Variants in DDX46 observed in about 807,000 individuals in gnomAD.
DDX46 encodes probable ATP-dependent RNA helicase DDX46.
A neutral mutation model predicts 134.9 loss-of-function variants in DDX46; 30 were observed. That is an observed-to-expected ratio of 0.22 (90% CI 0.17 to 0.30). The LOEUF (loss-of-function observed/expected upper bound fraction) is 0.30. DDX46 is among the 10% of genes least tolerant of loss of function. The pLI is 1.00. For synonymous variants in DDX46, 415 were observed against 404.1 expected, an observed-to-expected ratio of 1.03 and a Z score of -0.32; for missense variants, 622 against 1,248.7, an observed-to-expected ratio of 0.50 and a Z score of 7.56.
At chr5:134,777,003 G>T (rs915087439) in intron 5 of DDX46, among the ~76,000 whole-genome samples, 1 of 151,826 alleles carries the variant, frequency 6.6e-6, no homozygotes, top group African/African-American at 2.4e-5. Context: ...ACGAGGTTAG[G>T]AGTTAGAGAC....
At position 134,816,520 on chromosome 5, in the gene DDX46, G is replaced by C. The variant is rs769468728; in HGVS notation, c.2527G>C (p.Ala843Pro). The change falls in exon 19 of 23, where the codon GCA becomes CCA. Residue 843 changes from alanine to proline, a missense_variant. By Grantham distance (27) the Ala-to-Pro change is conservative (BLOSUM62 -1). This residue lies in a region of DDX46 where 18 missense variants were observed against 17.0 expected (regional missense o/e 1.06). Coordinates refer to ENST00000452510, the MANE Select transcript of DDX46 (RefSeq NM_001300860.2). The part of the protein sequence containing the change: ...PGTSSVPAPT[A>P]GNAEKLEIAK... Reference sequence around the variant, plus strand: ...AACATCAAGTGTTCCTGCTCCAACTGCAGGAAATGCTGAGAAATTAGAAAT... The same window carrying C: ...AACATCAAGTGTTCCTGCTCCAACTCCAGGAAATGCTGAGAAATTAGAAAT... 8 of 1,613,918 alleles carry C rather than the reference G, an allele frequency of 5.0e-6. No homozygotes were observed. Among genetic ancestry groups the C allele is most frequent in the Non-Finnish European group, 6.8e-6 (8 of 1,180,014 alleles).
chr5:134,820,864 CTT>C (rs1180909732), intron 21 of DDX46, among the ~76,000 whole-genome samples: 11 of 123,206 alleles, frequency 8.9e-5, no homozygotes, highest in Admixed American at 1.7e-4. Context: ...CTTTTCTTTT[CTT>C]TTTTTTTTTT....
intron 11 of DDX46, among the ~76,000 whole-genome samples, chr5:134,788,205 A>T (rs907578026): frequency 1.3e-5 from 2 of 151,474 alleles, no homozygotes; most frequent in African/African-American, 4.9e-5. Context: ...GCTCACTCCA[A>T]CCTTGAACTC....
intron 3 of DDX46, among the ~76,000 whole-genome samples, chr5:134,770,567 A>G (rs2150133144): frequency 6.6e-6 from 1 of 152,208 alleles, no homozygotes; most frequent in East Asian, 1.9e-4. Context: ...ATCCCAGCAC[A>G]TTGAGAGGCT....
In DDX46 at chr5:134,824,396, G is replaced by T. The variant is rs1231744336; in HGVS notation, c.2978-2551G>T. On this transcript the variant is annotated intron_variant, in intron 21 of 22. Coordinates refer to ENST00000452510, the MANE Select transcript of DDX46 (RefSeq NM_001300860.2). ...TCACAAGGTCAAGAGTTTGAGACCA[G>T]CCTGGCCAACATAGTGAAACCCCGT... 3.3e-5 allele frequency among the ~76,000 whole-genome samples: 5 copies of T among 152,266 alleles called. No individual in the cohort carries two copies. The South Asian group carries it at 8.3e-4, about 25-fold the overall frequency.
At chr5:134,774,522 A>T (rs1753873641) in intron 5 of DDX46, among the ~76,000 whole-genome samples, 2 of 152,148 alleles carry the variant, frequency 1.3e-5, no homozygotes, top group African/African-American at 4.8e-5. Context: ...TTTATGTTGT[A>T]ATTTGAAATA....
chr5:134,808,613 A>T (rs969362095), intron 16 of DDX46, among the ~76,000 whole-genome samples: 1 of 152,148 alleles, frequency 6.6e-6, no homozygotes, highest in African/African-American at 2.4e-5. Context: ...TTAAAAAAAA[A>T]CATGGGATCA....
At chr5:134,823,866 T>A (rs1755522131) in intron 21 of DDX46, among the ~76,000 whole-genome samples, 1 of 152,224 alleles carries the variant, frequency 6.6e-6, no homozygotes, top group Non-Finnish European at 1.5e-5. Context: ...ACCTTTGGTG[T>A]ACATGGAGTC....
At chr5:134,806,500 A>G (rs144443455) in intron 15 of DDX46, among the ~76,000 whole-genome samples, 35 of 152,344 alleles carry the variant, frequency 2.3e-4, no homozygotes, top group African/African-American at 8.4e-4. Context: ...AGGCTAAAGT[A>G]AAAGTTTTGG....
At chr5:134,808,886 C>T (rs545701655) in intron 16 of DDX46, among the ~76,000 whole-genome samples, 5 of 152,230 alleles carry the variant, frequency 3.3e-5, no homozygotes, top group Middle Eastern at 6.8e-3. Flanking sequence ...TAATGGATAA[C>T]GTATTATCTG....
chr5:134,770,132 A>G (rs1753714868), intron 3 of DDX46, among the ~76,000 whole-genome samples: 1 of 151,184 alleles, frequency 6.6e-6, no homozygotes, highest in South Asian at 2.1e-4. Flanking sequence ...CCTGGGCTCA[A>G]GTGATCTTCC....
Position 134,796,020 on chromosome 5 carries a change from G to A in DDX46, c.1824G>A (p.Lys608=), listed in dbSNP as rs191208218. The change falls in exon 15 of 23, where the codon AAG becomes AAA. Residue 608 remains lysine, a synonymous_variant. Coordinates refer to ENST00000452510, the MANE Select transcript of DDX46 (RefSeq NM_001300860.2). ...TTGAAGAAGAAAAGAAATTCTTGAAGTTACTTGAGCTTCTAGGCCATTATC... is the reference window on the plus strand; with the variant it reads ...TTGAAGAAGAAAAGAAATTCTTGAAATTACTTGAGCTTCTAGGCCATTATC... ...IVIEEEKKFL[K]LLELLGHYQE... The A allele has an allele frequency of 2.2e-5, 35 of 1,613,406 alleles. No homozygotes were observed. The East Asian group carries it at 7.8e-4, about 36-fold the overall frequency.
intron 21 of DDX46, 32 bp downstream of exon 21, chr5:134,819,036 A>C (rs771103327): frequency 6.2e-6 from 10 of 1,607,572 alleles, no homozygotes; most frequent in Middle Eastern, 3.3e-4. Context: ...TCAATCTTGA[A>C]TTTAGATCAA....
intron 13 of DDX46, among the ~76,000 whole-genome samples, chr5:134,790,897 T>C (rs1279706867): frequency 6.6e-6 from 1 of 152,152 alleles, no homozygotes; most frequent in African/African-American, 2.4e-5. Flanking sequence ...CGATCACTAC[T>C]CACTGCAACC....
intron 15 of DDX46, among the ~76,000 whole-genome samples, chr5:134,796,724 A>G (rs1306145582): frequency 1.3e-5 from 2 of 151,958 alleles, no homozygotes; most frequent in Non-Finnish European, 2.9e-5. Flanking sequence ...ATGGTGGCAC[A>G]TGCCTGTAAT....
At chr5:134,808,799 T>A (rs184581901) in intron 16 of DDX46, among the ~76,000 whole-genome samples, 1 of 152,190 alleles carries the variant, frequency 6.6e-6, no homozygotes, top group Non-Finnish European at 1.5e-5. Flanking sequence ...AGACATTGAT[T>A]ATGATATATT....
chr5:134,805,992 C>A (rs536471754), intron 15 of DDX46, among the ~76,000 whole-genome samples: 8 of 151,970 alleles, frequency 5.3e-5, no homozygotes, highest in Non-Finnish European at 1.2e-4. Flanking sequence ...GTGGGCGGAT[C>A]ACCCAAGGTC....
chr5:134,782,112 G>GGTT, intron 8 of DDX46, 26 bp downstream of exon 8: 1 of 1,564,878 alleles, frequency 6.4e-7, no homozygotes, highest in South Asian at 1.2e-5. Flanking sequence ...TTCATTTACT[G>GGTT]GTTATAAGGG....
In DDX46 at chr5:134,762,900, C is replaced by CA. The variant is rs530214032; in HGVS notation, c.18-996dup. 5.9e-5 allele frequency among the ~76,000 whole-genome samples: 9 copies of CA among 151,384 alleles called. No homozygotes were observed. In the East Asian group the frequency reaches 1.2e-3, roughly 20 times the overall value. On this transcript the variant is annotated intron_variant, in intron 1 of 22. Coordinates refer to ENST00000452510, the MANE Select transcript of DDX46 (RefSeq NM_001300860.2). ...TGAAACCCCATCTCTTCTAAAAATG[C>CA]AAAAAAAATTTAGCCTGGCGTAATG...
Sources: allele counts gnomAD v4.1 joint callset (sites outside exome capture counted in the v4.1 genomes callset), GRCh38; gene constraint gnomAD v4.1.1; regional missense constraint gnomAD v4.1.1; transcripts MANE v1.5; gene names NCBI Gene and HGNC (gene_info 2026-07-23, HGNC 2026-07-21).